Variants in NPAS3 observed in about 807,000 individuals in gnomAD.
NPAS3 encodes neuronal PAS domain protein 3, also known as neuronal PAS domain-containing protein 3.
In NPAS3, 14 loss-of-function variants were observed where a neutral mutation model predicts 73.1. The observed-to-expected ratio is 0.19, with a 90% CI of 0.13 to 0.30. The LOEUF (loss-of-function observed/expected upper bound fraction) is 0.30, where lower values mean the gene tolerates loss of function less well. NPAS3 is among the 10% of genes least tolerant of loss of function. NPAS3 has a pLI of 1.00. For missense variants in NPAS3, 1,096 were observed against 1,250.0 expected, an observed-to-expected ratio of 0.88 and a Z score of 1.86; for synonymous variants, 620 against 541.5, an observed-to-expected ratio of 1.14 and a Z score of -2.01.
At chr14:32,994,730 C>A in intron 1 of NPAS3, among the ~76,000 whole-genome samples, 1 of 150,726 alleles carries the variant, frequency 6.6e-6, no homozygotes, top group Non-Finnish European at 1.5e-5. Context: ...CTCCCAGGTT[C>A]AAGCAATTCT....
intron 3 of NPAS3, among the ~76,000 whole-genome samples, chr14:33,240,913 TCCCAA>T: frequency 1.3e-5 from 2 of 151,906 alleles, no homozygotes; most frequent in East Asian, 3.9e-4. Context: ...TTACAACACT[TCCCAA>T]TTAATTGCCA....
At chr14:33,183,308 C>G (rs1323189542) in intron 2 of NPAS3, among the ~76,000 whole-genome samples, 1 of 151,828 alleles carries the variant, frequency 6.6e-6, no homozygotes, top group Non-Finnish European at 1.5e-5. Context: ...CGCCTGTAAT[C>G]CCAGCTACTT....
intron 2 of NPAS3, among the ~76,000 whole-genome samples, chr14:33,156,410 T>C (rs1206096374): frequency 6.6e-6 from 1 of 152,212 alleles, no homozygotes; most frequent in African/African-American, 2.4e-5. Flanking sequence ...TAAAGGCTGC[T>C]GACATTACCA....
chr14:32,998,475 C>T lies in NPAS3; in HGVS notation c.51-57430C>T, dbSNP rs143273372. ...AGAGGTAGTGGTTTCACATCTCTTT[C>T]AGTAAATGCCACTGAATTGTTCACT... On this transcript the variant is annotated intron_variant, in intron 1 of 11. Coordinates refer to ENST00000356141, the Ensembl canonical transcript of NPAS3. Among the ~76,000 whole-genome samples the T allele has an allele frequency of 5.0e-3, 763 of 152,232 alleles. 4 individuals carry two copies. Among genetic ancestry groups the T allele is most frequent in the Admixed American group, 9.4e-3 (144 of 15,286 alleles).
intron 3 of NPAS3, among the ~76,000 whole-genome samples, chr14:33,274,627 C>T (rs957780398): frequency 2.6e-5 from 4 of 152,088 alleles, no homozygotes; most frequent in African/African-American, 4.8e-5. Context: ...AAAGCATTAC[C>T]TAAGCTGATC....
chr14:33,447,878 G>A (rs1303673604), intron 4 of NPAS3, among the ~76,000 whole-genome samples: 4 of 152,122 alleles, frequency 2.6e-5, no homozygotes, highest in African/African-American at 4.8e-5. Flanking sequence ...TTGTGCCACT[G>A]TACTCTAGCC....
chr14:33,301,323 T>TATATATATATATATATATA lies in NPAS3; in HGVS notation c.386-65863_386-65862insATATATATATATATATATA, dbSNP rs1555370644. Among the ~76,000 whole-genome samples the TATATATATATATATATATA allele has an allele frequency of 2.7e-4, 22 of 81,532 alleles. 1 individual carries two copies. Among genetic ancestry groups the TATATATATATATATATATA allele is most frequent in the Non-Finnish European group, 3.1e-4 (13 of 41,332 alleles). The allele number at this position is 81,532 out of a possible 152,430, so 53.5% of individuals were successfully genotyped here. The stretch of plus-strand genomic sequence containing the variant: ...TTTTATCATTATATATATATATATA[T>TATATATATATATATATATA]TTTTTTTTTTTAAATCTAGCTGTAA... On this transcript the variant is annotated intron_variant, in intron 3 of 11. Transcript: ENST00000356141.
At chr14:33,695,360 A>T (rs1193205396) in intron 6 of NPAS3, among the ~76,000 whole-genome samples, 1 of 152,210 alleles carries the variant, frequency 6.6e-6, no homozygotes, top group Non-Finnish European at 1.5e-5. Flanking sequence ...GTTAGTTAGA[A>T]AAGTTTGTTT....
chr14:33,531,102 T>A (rs568537492), intron 4 of NPAS3, among the ~76,000 whole-genome samples: 2 of 152,212 alleles, frequency 1.3e-5, no homozygotes, highest in East Asian at 3.9e-4. Flanking sequence ...GACTATCTTT[T>A]GGTTGGAAGG....
chr14:33,799,150 A>G (rs1327655483), intron 11 of NPAS3, among the ~76,000 whole-genome samples: 1 of 152,064 alleles, frequency 6.6e-6, no homozygotes, highest in Non-Finnish European at 1.5e-5. Flanking sequence ...GCCAAAAATA[A>G]TAATAATAAA....
chr14:33,590,269 C>T (rs542874377), intron 5 of NPAS3, among the ~76,000 whole-genome samples: 2 of 152,130 alleles, frequency 1.3e-5, no homozygotes, highest in Non-Finnish European at 2.9e-5. Context: ...TGAAGACCTC[C>T]ATCTGTTGGT....
intron 5 of NPAS3, among the ~76,000 whole-genome samples, chr14:33,615,195 C>G (rs1484105264): frequency 6.6e-6 from 1 of 152,136 alleles, no homozygotes; most frequent in African/African-American, 2.4e-5. Flanking sequence ...CTGGAACTGA[C>G]TTGAGAGAAC....
At chr14:33,089,121 C>T (rs981223884) in intron 2 of NPAS3, among the ~76,000 whole-genome samples, 2 of 152,036 alleles carry the variant, frequency 1.3e-5, no homozygotes, top group South Asian at 2.1e-4. Context: ...CGCAGCTGCT[C>T]GCCAGCAATG....
At chr14:33,090,435 T>C (rs897054399) in intron 2 of NPAS3, among the ~76,000 whole-genome samples, 2 of 152,086 alleles carry the variant, frequency 1.3e-5, no homozygotes, top group African/African-American at 4.8e-5. Context: ...ATCAATTCAA[T>C]GAGAAGAGCT....
intron 2 of NPAS3, among the ~76,000 whole-genome samples, chr14:33,095,121 A>G (rs1028933174): frequency 1.3e-5 from 2 of 152,228 alleles, no homozygotes; most frequent in Non-Finnish European, 2.9e-5. Flanking sequence ...ACATTTAAAA[A>G]TATTGCTAGT....
At chr14:33,095,027 T>TA (rs1566555386) in intron 2 of NPAS3, among the ~76,000 whole-genome samples, 1 of 152,224 alleles carries the variant, frequency 6.6e-6, no homozygotes. Flanking sequence ...TTACCATTTT[T>TA]ATTTCAAGTT....
chr14:33,164,876 T>G (rs1238237349), intron 2 of NPAS3, among the ~76,000 whole-genome samples: 2 of 151,916 alleles, frequency 1.3e-5, no homozygotes, highest in Non-Finnish European at 2.9e-5. Context: ...ACTGACTTCC[T>G]TCTGTACTGG....
At chr14:33,349,650 T>C (rs1449921947) in intron 3 of NPAS3, among the ~76,000 whole-genome samples, 5 of 152,232 alleles carry the variant, frequency 3.3e-5, no homozygotes, top group Admixed American at 6.5e-5. Context: ...ACTTTGTTCC[T>C]TTTTTGTCAT....
At chr14:33,042,145 A>G (rs2138422069) in intron 1 of NPAS3, among the ~76,000 whole-genome samples, 2 of 152,260 alleles carry the variant, frequency 1.3e-5, no homozygotes, top group South Asian at 2.1e-4. Flanking sequence ...TACAGGTAAA[A>G]CTGTGGGCAC....
Sources: allele counts gnomAD v4.1 joint callset (sites outside exome capture counted in the v4.1 genomes callset), GRCh38; gene constraint gnomAD v4.1.1; transcripts MANE v1.5; gene names NCBI Gene and HGNC (gene_info 2026-07-23, HGNC 2026-07-21).